The following SEZ6L variants were observed in gnomAD, a reference collection of about 807,000 sequenced individuals.
The protein encoded by SEZ6L is seizure 6-like protein.
In SEZ6L, 37 loss-of-function variants were observed where a neutral mutation model predicts 106.2. That is an observed-to-expected ratio of 0.35 (90% CI 0.27 to 0.46). SEZ6L has a LOEUF of 0.46. Ranked by LOEUF, SEZ6L falls within the 20% of genes least tolerant of loss-of-function variation. The pLI, the probability that SEZ6L is intolerant of heterozygous loss-of-function variation, is 1.00. For synonymous variants in SEZ6L, 541 were observed against 570.4 expected, an observed-to-expected ratio of 0.95 and a Z score of 0.73; for missense variants, 1,172 against 1,332.8, an observed-to-expected ratio of 0.88 and a Z score of 1.88.
At chr22:26,227,954 G>C (rs189458683) in intron 1 of SEZ6L, among the ~76,000 whole-genome samples, 64 of 152,336 alleles carry the variant, frequency 4.2e-4, no homozygotes, top group African/African-American at 1.4e-3. Context: ...AGGGACACAA[G>C]CCCCGCGAGA....
chr22:26,241,061 G>A (rs932927329), intron 1 of SEZ6L, among the ~76,000 whole-genome samples: 3 of 152,158 alleles, frequency 2.0e-5, no homozygotes, highest in Admixed American at 6.5e-5. Context: ...GTCCAGGCAG[G>A]GGAACGGCCC....
chr22:26,254,454 C>T (rs933220384), intron 1 of SEZ6L, among the ~76,000 whole-genome samples: 8 of 151,998 alleles, frequency 5.3e-5, no homozygotes, highest in African/African-American at 1.9e-4. Context: ...AAATGTCAAA[C>T]AAAATGAACA....
chr22:26,361,343 C>CAA lies in SEZ6L; in HGVS notation c.2600-4025_2600-4024dup, dbSNP rs150251826. Among the ~76,000 whole-genome samples, 244 of 133,388 alleles carry CAA rather than the reference C, an allele frequency of 1.8e-3. 4 individuals carry two copies. Among genetic ancestry groups the CAA allele is most frequent in the Middle Eastern group, 7.6e-3 (2 of 262 alleles). The allele number at this position is 133,388 out of a possible 152,430, so 87.5% of individuals were successfully genotyped here. A position where few individuals can be genotyped will look rare whatever the true frequency, so the allele number is the denominator to read the frequency against. ...TGGAACCCCGTCTCTACTAAAAATACAAAAACAAAAAAAATCAGCTAGGCT... is the reference window on the plus strand; with the variant it reads ...TGGAACCCCGTCTCTACTAAAAATACAAAAAAACAAAAAAAATCAGCTAGGCT... On this transcript the variant is annotated intron_variant, in intron 12 of 16. Coordinates refer to ENST00000248933, the MANE Select transcript of SEZ6L (RefSeq NM_021115.5).
chr22:26,354,035 G>T (rs1480885619), intron 12 of SEZ6L, among the ~76,000 whole-genome samples: 1 of 145,428 alleles, frequency 6.9e-6, no homozygotes, highest in Admixed American at 6.9e-5. Flanking sequence ...TGATTGGACA[G>T]AGTGTCTTCG....
intron 1 of SEZ6L, among the ~76,000 whole-genome samples, chr22:26,261,129 ATTAGTCCT>A (rs2079992723): frequency 6.6e-6 from 1 of 152,168 alleles, no homozygotes; most frequent in Admixed American, 6.5e-5. Flanking sequence ...GATTATGGAT[ATTAGTCCT>A]TTGTTGGACG....
chr22:26,379,004 C>A (rs113051801), intron 16 of SEZ6L, among the ~76,000 whole-genome samples: 1 of 152,140 alleles, frequency 6.6e-6, no homozygotes, highest in African/African-American at 2.4e-5. Flanking sequence ...TAGCCTGACC[C>A]CCTGCTTTAT....
At chr22:26,234,641 TG>T (rs1361126797) in intron 1 of SEZ6L, among the ~76,000 whole-genome samples, 4 of 152,214 alleles carry the variant, frequency 2.6e-5, no homozygotes, top group African/African-American at 9.6e-5. Flanking sequence ...CAGCAGAAGG[TG>T]GGGAAACCCA....
chr22:26,221,600 G>A (rs1452117621), intron 1 of SEZ6L, among the ~76,000 whole-genome samples: 3 of 152,196 alleles, frequency 2.0e-5, no homozygotes, highest in East Asian at 3.8e-4. Context: ...GCACTCGCTC[G>A]TGTCAATGGC....
chr22:26,359,675 C>A (rs895766753), intron 12 of SEZ6L, among the ~76,000 whole-genome samples: 1 of 152,080 alleles, frequency 6.6e-6, no homozygotes, highest in African/African-American at 2.4e-5. Context: ...CATGATGGTG[C>A]ACGCCAGTGG....
At chr22:26,327,935 A>T (rs1271031576) in intron 9 of SEZ6L, among the ~76,000 whole-genome samples, 1 of 152,252 alleles carries the variant, frequency 6.6e-6, no homozygotes, top group Non-Finnish European at 1.5e-5. Context: ...GAAGGGCCAC[A>T]GATGCCATCT....
intron 15 of SEZ6L, 39 bp from the exon 16 acceptor site, chr22:26,377,634 C>T (rs771057511): frequency 1.3e-6 from 2 of 1,487,110 alleles, no homozygotes; most frequent in South Asian, 1.1e-5. Context: ...TTTCTCCTAG[C>T]TGGGGAGAAG....
At chr22:26,314,806 C>T (rs6005011) in intron 9 of SEZ6L, among the ~76,000 whole-genome samples, 38,722 of 152,116 alleles carry the variant, frequency 0.25, 6,199 homozygotes, top group African/African-American at 0.46. Flanking sequence ...CAGAGAACCC[C>T]CCCTGGGAGG....
intron 8 of SEZ6L, among the ~76,000 whole-genome samples, chr22:26,312,394 G>T: frequency 6.6e-6 from 1 of 152,186 alleles, no homozygotes; most frequent in Non-Finnish European, 1.5e-5. Context: ...CCTCACCATA[G>T]CCTTATAAAG....
chr22:26,207,339 TCA>T (rs1941326969), intron 1 of SEZ6L, among the ~76,000 whole-genome samples: 1 of 152,206 alleles, frequency 6.6e-6, no homozygotes, highest in Non-Finnish European at 1.5e-5. Flanking sequence ...ATTGGCTTTA[TCA>T]ATTGTTGCTT....
chr22:26,177,261 G>A (rs1939080345), intron 1 of SEZ6L, among the ~76,000 whole-genome samples: 1 of 152,042 alleles, frequency 6.6e-6, no homozygotes, highest in Non-Finnish European at 1.5e-5. Context: ...AAACCAATGA[G>A]ATAATAGATG....
chr22:26,294,830 G>T (rs147723701), intron 3 of SEZ6L, among the ~76,000 whole-genome samples: 34 of 144,494 alleles, frequency 2.4e-4, no homozygotes, highest in African/African-American at 7.1e-4. Flanking sequence ...TTTCTTTCTT[G>T]CTTGCTTGCT....
chr22:26,265,616 T>C (rs2080151470), intron 1 of SEZ6L, among the ~76,000 whole-genome samples: 1 of 152,218 alleles, frequency 6.6e-6, no homozygotes, highest in Non-Finnish European at 1.5e-5. Context: ...CCTGCCTTCG[T>C]TCCTATCCAT....
In SEZ6L at chr22:26,382,647, G is replaced by C. The variant is rs1265105909; in HGVS notation, c.*2352G>C. 1 of 151,974 alleles carries C rather than the reference G, an allele frequency of 6.6e-6. No individual in the cohort carries two copies. The highest frequency in any genetic ancestry group is 2.4e-5 in the African/African-American group (1 of 41,342). 9.4% of individuals were successfully genotyped at this position (151,974 alleles called of 1,614,324 possible). A position where few individuals can be genotyped will look rare whatever the true frequency, so the allele number is the denominator to read the frequency against. On this transcript the variant is annotated 3_prime_UTR_variant, in exon 17 of 17. Transcript: ENST00000248933. ...TTTAGCCTAGAGACAGATCATACGAGTTCAACAATGTACAGTGTGATTGAA... is the reference window on the plus strand; with the variant it reads ...TTTAGCCTAGAGACAGATCATACGACTTCAACAATGTACAGTGTGATTGAA...
At chr22:26,192,992 G>T (rs1166113403) in intron 1 of SEZ6L, among the ~76,000 whole-genome samples, 1 of 152,152 alleles carries the variant, frequency 6.6e-6, no homozygotes, top group African/African-American at 2.4e-5. Context: ...GATTTCAAGG[G>T]TTCACTGTAA....
Sources: gnomAD v4.1 joint callset for allele counts (sites outside exome capture counted in the v4.1 genomes callset) on GRCh38, gnomAD v4.1.1 for gene constraint, MANE v1.5 for transcripts, NCBI Gene and HGNC (gene_info 2026-07-23, HGNC 2026-07-21) for gene names.